The following ASNS variants were observed in gnomAD, a reference collection of about 807,000 sequenced individuals.
ASNS encodes asparagine synthetase (glutamine-hydrolyzing).
ASNS carries 37 observed loss-of-function variants against 62.6 expected under a neutral mutation model. The ratio of observed to expected loss-of-function variants is 0.59; its 90% CI spans 0.45 to 0.78. ASNS has a LOEUF of 0.78. Among genes scored for constraint, ASNS ranks in the 30% least tolerant of loss-of-function variants. The probability of loss-of-function intolerance (pLI) is 0.00; values close to 1 mark genes in which losing one functional copy is unlikely to be tolerated. For synonymous variants in ASNS, 207 were observed against 237.9 expected, an observed-to-expected ratio of 0.87 and a Z score of 1.19; for missense variants, 520 against 682.4, an observed-to-expected ratio of 0.76 and a Z score of 2.65.
chr7:97,873,401 G>A (rs1792367190), upstream of ASNS, among the ~76,000 whole-genome samples: 1 of 152,178 alleles, frequency 6.6e-6, no homozygotes, highest in African/African-American at 2.4e-5. Context: ...CCCATACAAC[G>A]CATTCCTGAC....
the ASNS span, among the ~76,000 whole-genome samples, chr7:97,888,023 G>C: frequency 6.6e-6 from 1 of 152,208 alleles, no homozygotes; most frequent in African/African-American, 2.4e-5. Flanking sequence ...GCCTAGGCTA[G>C]AGTACAAATG....
intron 12 of ASNS, among the ~76,000 whole-genome samples, chr7:97,852,824 G>A (rs1461485668): frequency 6.6e-6 from 1 of 152,082 alleles, no homozygotes; most frequent in Non-Finnish European, 1.5e-5. Flanking sequence ...AATCCTTCAT[G>A]CTACTTAATT....
the ASNS span, among the ~76,000 whole-genome samples, chr7:97,889,308 G>A: frequency 6.6e-6 from 1 of 152,196 alleles, no homozygotes; most frequent in Non-Finnish European, 1.5e-5. Context: ...CACGAGGTCA[G>A]GAGTTCGAGA....
intron 1 of ASNS, among the ~76,000 whole-genome samples, chr7:97,871,198 G>A (rs1055175127): frequency 6.6e-6 from 1 of 152,138 alleles, no homozygotes; most frequent in Admixed American, 6.5e-5. Flanking sequence ...ATATTATCGA[G>A]CAGATATTTT....
At chr7:97,878,876 G>A in the ASNS span, among the ~76,000 whole-genome samples, 7 of 152,088 alleles carry the variant, frequency 4.6e-5, no homozygotes, top group South Asian at 2.1e-4. Context: ...GAGGCATCAC[G>A]CTACCTGACT....
At chr7:97,879,488 G>T in the ASNS span, among the ~76,000 whole-genome samples, 2 of 152,234 alleles carry the variant, frequency 1.3e-5, no homozygotes, top group Admixed American at 1.3e-4. Context: ...ATGTTAAGTT[G>T]TCTTGCTAGG....
At chr7:97,861,823 TCTC>T (rs1332779531) in intron 4 of ASNS, among the ~76,000 whole-genome samples, 2 of 152,212 alleles carry the variant, frequency 1.3e-5, no homozygotes, top group Non-Finnish European at 2.9e-5. Context: ...TTTATTTAGA[TCTC>T]CTCTCATTTC....
chr7:97,908,521 C>A, the ASNS span: 1 of 151,790 alleles, frequency 6.6e-6, no homozygotes, highest in Admixed American at 6.6e-5. Context: ...CTGCCTCAGT[C>A]TCCCCCGTAG....
chr7:97,919,576 C>T, the ASNS span, among the ~76,000 whole-genome samples: 2 of 152,214 alleles, frequency 1.3e-5, no homozygotes, highest in Non-Finnish European at 2.9e-5. Flanking sequence ...CTCCCAGGCA[C>T]CTACACCTTG....
the ASNS span, among the ~76,000 whole-genome samples, chr7:97,901,698 C>T: frequency 6.6e-6 from 1 of 152,098 alleles, no homozygotes. Flanking sequence ...ATGTGTGGGC[C>T]CAGGCGCAGT....
chr7:97,898,762 C>T, the ASNS span: 1 of 676,032 alleles, frequency 1.5e-6, no homozygotes, highest in East Asian at 2.6e-5. Context: ...GAGCTTCAAT[C>T]ATTGTTGAAC....
chr7:97,908,103 T>C, the ASNS span, among the ~76,000 whole-genome samples: 10 of 152,178 alleles, frequency 6.6e-5, no homozygotes, highest in Admixed American at 5.9e-4. Flanking sequence ...TAGAAATAAC[T>C]AGTTTCCAGA....
chr7:97,924,590 G>T, the ASNS span, among the ~76,000 whole-genome samples: 1 of 152,202 alleles, frequency 6.6e-6, no homozygotes, highest in African/African-American at 2.4e-5. Context: ...GGAGTGAACT[G>T]GGTGGGCCAC....
At chr7:97,924,086 C>T in the ASNS span, among the ~76,000 whole-genome samples, 1 of 152,008 alleles carries the variant, frequency 6.6e-6, no homozygotes. Context: ...GCCAACCCTG[C>T]GGTTAAATGT....
the ASNS span, among the ~76,000 whole-genome samples, chr7:97,927,501 A>G: frequency 0.04 from 6,106 of 152,188 alleles, 96 homozygotes; most frequent in African/African-American, 0.11. Context: ...CCAGGATGCA[A>G]ACCCCAGCCG....
chr7:97,918,841 C>T, the ASNS span, among the ~76,000 whole-genome samples: 841 of 152,188 alleles, frequency 5.5e-3, 10 homozygotes, highest in African/African-American at 0.019. Context: ...GGGCTTAAAA[C>T]CTAGATGACG....
the ASNS span, chr7:97,928,377 A>AGCGCGGGCTCGGAGGGTCC: frequency 1.2e-6 from 1 of 823,698 alleles, no homozygotes. Flanking sequence ...GGGGCGTCTG[A>AGCGCGGGCTCGGAGGGTCC]GCGCGGGCTC....
chr7:97,922,330 C>T, the ASNS span, among the ~76,000 whole-genome samples: 1 of 151,584 alleles, frequency 6.6e-6, no homozygotes, highest in Admixed American at 6.6e-5. Flanking sequence ...CACACCCCTG[C>T]ACTACAGCCT....
At chr7:97,885,187 TCA>T in the ASNS span, among the ~76,000 whole-genome samples, 1 of 152,286 alleles carries the variant, frequency 6.6e-6, no homozygotes, top group African/African-American at 2.4e-5. Context: ...CTTAATATTC[TCA>T]TAGTTCATCC....
Sources: allele counts gnomAD v4.1 joint callset (sites outside exome capture counted in the v4.1 genomes callset), GRCh38; gene constraint gnomAD v4.1.1; transcripts MANE v1.5; gene names NCBI Gene and HGNC (gene_info 2026-07-23, HGNC 2026-07-21).